THSD7B: variants seen among roughly 807,000 people sequenced by gnomAD.
THSD7B encodes the protein thrombospondin type 1 domain containing 7B.
In THSD7B, 138 loss-of-function variants were observed where a neutral mutation model predicts 213.6. The ratio of observed to expected loss-of-function variants is 0.65; its 90% CI spans 0.56 to 0.74. THSD7B has a LOEUF of 0.74. Ranked by LOEUF, THSD7B falls within the 30% of genes least tolerant of loss-of-function variation. THSD7B has a pLI of 0.00. For missense variants in THSD7B, 1,931 were observed against 1,991.5 expected, an observed-to-expected ratio of 0.97 and a Z score of 0.58; for synonymous variants, 742 against 687.0, an observed-to-expected ratio of 1.08 and a Z score of -1.25.
At chr2:137,200,585 G>T (rs1464162846) in intron 7 of THSD7B, among the ~76,000 whole-genome samples, 1 of 151,952 alleles carries the variant, frequency 6.6e-6, no homozygotes, top group East Asian at 1.9e-4. Flanking sequence ...TAAATAAATA[G>T]AAATTCCTGA....
intron 1 of THSD7B, among the ~76,000 whole-genome samples, chr2:136,874,881 C>CATA (rs1683500430): frequency 6.6e-6 from 1 of 152,108 alleles, no homozygotes; most frequent in Admixed American, 6.5e-5. Flanking sequence ...ATGTCTCCCA[C>CATA]ATAATGTATT....
intron 27 of THSD7B, among the ~76,000 whole-genome samples, chr2:137,671,235 CTT>C (rs1281875074): frequency 1.9e-5 from 1 of 52,918 alleles, no homozygotes; most frequent in Admixed American, 2.5e-4. Context: ...TTATGATTTG[CTT>C]TTTTTTTTTT....
chr2:137,190,771 G>A (rs529496347), intron 7 of THSD7B, among the ~76,000 whole-genome samples: 1 of 152,272 alleles, frequency 6.6e-6, no homozygotes, highest in African/African-American at 2.4e-5. Flanking sequence ...TTTCCTAGGA[G>A]CATAGTATTT....
chr2:137,673,564 C>CTT (rs1278117289), intron 27 of THSD7B, among the ~76,000 whole-genome samples: 5 of 152,110 alleles, frequency 3.3e-5, no homozygotes, highest in Non-Finnish European at 7.4e-5. Flanking sequence ...AAGAAATAAA[C>CTT]TTACTTCTAA....
At chr2:137,414,650 G>GT (rs1359064663) in intron 14 of THSD7B, among the ~76,000 whole-genome samples, 1 of 152,136 alleles carries the variant, frequency 6.6e-6, no homozygotes, top group Non-Finnish European at 1.5e-5. Flanking sequence ...TTTGTGGGAG[G>GT]TCAAGGCTTC....
chr2:137,623,483 A>G (rs959452832), intron 20 of THSD7B, among the ~76,000 whole-genome samples: 8 of 152,178 alleles, frequency 5.3e-5, no homozygotes, highest in Admixed American at 2.0e-4. Context: ...GGCCAGGGCA[A>G]TTAGGCAGGA....
intron 20 of THSD7B, among the ~76,000 whole-genome samples, chr2:137,634,005 T>C (rs1682788359): frequency 6.6e-6 from 1 of 152,164 alleles, no homozygotes; most frequent in South Asian, 2.1e-4. Flanking sequence ...TTTTCACTTA[T>C]GTTGTCATCC....
chr2:137,474,396 A>AT (rs557456030), intron 15 of THSD7B, among the ~76,000 whole-genome samples: 81 of 151,634 alleles, frequency 5.3e-4, no homozygotes, highest in African/African-American at 1.8e-3. Flanking sequence ...CCTTTTCTCT[A>AT]TTTTTTTTCT....
intron 10 of THSD7B, among the ~76,000 whole-genome samples, chr2:137,263,566 A>AT (rs200324076): frequency 2.2e-3 from 337 of 152,118 alleles, no homozygotes; most frequent in African/African-American, 7.8e-3. Context: ...TATAGAGTAC[A>AT]TTTTTTCAGG....
intron 2 of THSD7B, among the ~76,000 whole-genome samples, chr2:137,013,968 G>A (rs1686286866): frequency 6.6e-6 from 1 of 152,218 alleles, no homozygotes; most frequent in Non-Finnish European, 1.5e-5. Context: ...AAAACAGGTG[G>A]AGAGATGCAG....
At chr2:137,022,544 T>C (rs947118535) in intron 2 of THSD7B, among the ~76,000 whole-genome samples, 1 of 151,110 alleles carries the variant, frequency 6.6e-6, no homozygotes, top group Non-Finnish European at 1.5e-5. Flanking sequence ...AAAAAAATCT[T>C]CGTTTTTTTT....
chr2:136,833,945 GA>G (rs1325205024), intron 1 of THSD7B, among the ~76,000 whole-genome samples: 2 of 152,134 alleles, frequency 1.3e-5, no homozygotes, highest in African/African-American at 2.4e-5. Context: ...AATCCCCATA[GA>G]TTTTTTTTGA....
intron 21 of THSD7B, among the ~76,000 whole-genome samples, chr2:137,650,693 A>G (rs1246973143): frequency 6.6e-6 from 1 of 152,182 alleles, no homozygotes; most frequent in Non-Finnish European, 1.5e-5. Flanking sequence ...ATTTTTCTCC[A>G]TTCAATACAA....
intron 5 of THSD7B, among the ~76,000 whole-genome samples, chr2:137,134,753 T>C (rs1012132828): frequency 6.6e-6 from 1 of 152,208 alleles, no homozygotes; most frequent in African/African-American, 2.4e-5. Flanking sequence ...CTCAATTTTC[T>C]TTTGAAAAGC....
chr2:137,301,023 T>C (rs1326767047), intron 12 of THSD7B, among the ~76,000 whole-genome samples: 2 of 152,178 alleles, frequency 1.3e-5, no homozygotes, highest in African/African-American at 4.8e-5. Flanking sequence ...ATCATCACTA[T>C]CAAAAGGAAT....
At chr2:136,791,654 T>A (rs546400127) in intron 1 of THSD7B, among the ~76,000 whole-genome samples, 1 of 152,014 alleles carries the variant, frequency 6.6e-6, no homozygotes, top group East Asian at 1.9e-4. Context: ...CAGTGCATGA[T>A]CTTCTGTGAC....
In THSD7B at chr2:137,061,301, CA is replaced by C. The variant is rs35908147; in HGVS notation, c.950+4081del. Among the ~76,000 whole-genome samples the C allele has an allele frequency of 3.0e-3, 429 of 144,996 alleles. 4 individuals are homozygous for C. The highest frequency in any genetic ancestry group is 9.0e-3 in the African/African-American group (364 of 40,416). On this transcript the variant is annotated intron_variant, in intron 3 of 27. Transcript: ENST00000409968. ...AATAAGCATGTCAGCATGTCATCTG[CA>C]AAAAAAAAAGGAAAAATTATTGCTT... is the stretch of plus-strand genomic sequence containing the variant.
At chr2:137,605,805 G>T (rs1419451162) in intron 17 of THSD7B, among the ~76,000 whole-genome samples, 1 of 151,436 alleles carries the variant, frequency 6.6e-6, no homozygotes, top group Non-Finnish European at 1.5e-5. Flanking sequence ...AGTAGCTGGG[G>T]TTACAGGCGC....
At chr2:136,846,842 G>A (rs931884791) in intron 1 of THSD7B, among the ~76,000 whole-genome samples, 1 of 151,970 alleles carries the variant, frequency 6.6e-6, no homozygotes, top group Non-Finnish European at 1.5e-5. Flanking sequence ...TATTTCCTAG[G>A]ACTCTATTGA....
Sources: allele counts gnomAD v4.1 joint callset (sites outside exome capture counted in the v4.1 genomes callset), GRCh38; gene constraint gnomAD v4.1.1; transcripts MANE v1.5; gene names NCBI Gene and HGNC (gene_info 2026-07-23, HGNC 2026-07-21).